The following H2BC18 variants were observed in gnomAD, a reference collection of about 807,000 sequenced individuals.
H2BC18 encodes histone H2B type 2-F.
In H2BC18, 8 loss-of-function variants were observed where a neutral mutation model predicts 6.3. That is an observed-to-expected ratio of 1.28 (90% CI 0.75 to 2.31). The LOEUF is 2.31. Among genes scored for constraint, H2BC18 ranks in the 30% most tolerant of loss-of-function variants. The probability of loss-of-function intolerance (pLI) is 0.00; values close to 1 mark genes in which losing one functional copy is unlikely to be tolerated. For synonymous variants in H2BC18, 104 were observed against 78.1 expected, an observed-to-expected ratio of 1.33 and a Z score of -1.75; for missense variants, 106 against 174.5, an observed-to-expected ratio of 0.61 and a Z score of 2.21.
At chr1:149,804,418 T>C (rs2091899886) in intron 1 of H2BC18, among the ~76,000 whole-genome samples, 1 of 152,246 alleles carries the variant, frequency 6.6e-6, no homozygotes. Context: ...ACAAAGGTCC[T>C]ACAAGTAAAT....
At chr1:149,784,607 A>G (rs1313127286) in intron 1 of H2BC18, among the ~76,000 whole-genome samples, 5 of 151,426 alleles carry the variant, frequency 3.3e-5, no homozygotes, top group Non-Finnish European at 7.4e-5. Context: ...CCCAAAACCT[A>G]GATCTGCAGT....
intron 1 of H2BC18, chr1:149,791,377 T>C: frequency 6.3e-7 from 1 of 1,583,142 alleles, no homozygotes; most frequent in Middle Eastern, 2.3e-4. Context: ...AGAAATCTCT[T>C]TGGATTCTGG....
At chr1:149,808,821 A>G (rs2091947134), downstream of H2BC18, among the ~76,000 whole-genome samples, 1 of 152,006 alleles carries the variant, frequency 6.6e-6, no homozygotes, top group East Asian at 1.9e-4. Context: ...AATTCTCCAA[A>G]ACAAGCTTGT....
intron 1 of H2BC18, chr1:149,786,293 CT>C (rs2091548386): frequency 6.6e-6 from 1 of 152,026 alleles, no homozygotes; most frequent in Non-Finnish European, 1.5e-5. Context: ...CTGTCTTTTT[CT>C]TACTGACTTA....
chr1:149,811,589 A>T (rs1312324049), downstream of H2BC18: 14 of 284,288 alleles, frequency 4.9e-5, no homozygotes, highest in African/African-American at 2.9e-4. Flanking sequence ...AAGGAAAACG[A>T]CTTTAAAGAT....
downstream of H2BC18, chr1:149,811,750 C>T (rs1571425539): frequency 1.5e-6 from 1 of 675,720 alleles, no homozygotes; most frequent in Non-Finnish European, 2.5e-6. Context: ...TGAGGGCCAA[C>T]TCATTACAGG....
At chr1:149,794,939 TGTAAATG>T (rs1401954322) in intron 1 of H2BC18, among the ~76,000 whole-genome samples, 1 of 8,470 alleles carries the variant, frequency 1.2e-4, no homozygotes, top group Non-Finnish European at 2.6e-4. Flanking sequence ...TTTGTGTTAT[TGTAAATG>T]GTATTGTCAG....
intron 1 of H2BC18, among the ~76,000 whole-genome samples, chr1:149,785,416 T>C (rs1439275609): frequency 7.5e-6 from 1 of 132,750 alleles, no homozygotes; most frequent in African/African-American, 2.8e-5. Flanking sequence ...TCGTTTTTTT[T>C]TTTTTTTTTT....
At chr1:149,804,868 C>T (rs1245108746) in intron 1 of H2BC18, among the ~76,000 whole-genome samples, 2 of 151,546 alleles carry the variant, frequency 1.3e-5, no homozygotes, top group Non-Finnish European at 3.0e-5. Flanking sequence ...ATCGCCACTA[C>T]AGGCTAGTGC....
At chr1:149,806,088 C>T (rs1286134708) in intron 1 of H2BC18, among the ~76,000 whole-genome samples, 4 of 152,046 alleles carry the variant, frequency 2.6e-5, no homozygotes, top group Admixed American at 2.0e-4. Flanking sequence ...ATAATACATG[C>T]AACTTCCATT....
downstream of H2BC18, among the ~76,000 whole-genome samples, chr1:149,809,717 G>A (rs1401186664): frequency 6.8e-5 from 10 of 146,246 alleles, no homozygotes; most frequent in African/African-American, 2.2e-4. Flanking sequence ...ACAATTATTC[G>A]TTATGCAAGG....
At chr1:149,796,950 T>C (rs112869437) in intron 1 of H2BC18, among the ~76,000 whole-genome samples, 5,658 of 152,312 alleles carry the variant, frequency 0.037, 147 homozygotes, top group East Asian at 0.067. Flanking sequence ...TTTCGTTGTG[T>C]CACCCAGGCT....
downstream of H2BC18, among the ~76,000 whole-genome samples, chr1:149,809,986 GA>G: frequency 6.6e-6 from 1 of 150,846 alleles, no homozygotes; most frequent in East Asian, 1.9e-4. Flanking sequence ...GTTTTGGCTA[GA>G]TAATAGGTGG....
At chr1:149,809,258 C>T (rs1210624096), downstream of H2BC18, among the ~76,000 whole-genome samples, 5 of 108,530 alleles carry the variant, frequency 4.6e-5, no homozygotes, top group Admixed American at 2.1e-4. Context: ...TGCAGCACCT[C>T]AAACCAGGGT....
intron 1 of H2BC18, chr1:149,793,128 C>A: frequency 7.8e-7 from 1 of 1,274,452 alleles, no homozygotes. Flanking sequence ...CAGGTGCGCC[C>A]GGCCGAGCCT....
intron 1 of H2BC18, chr1:149,793,071 C>T: frequency 1.6e-6 from 2 of 1,274,034 alleles, no homozygotes. Flanking sequence ...TGGCGGCCGT[C>T]TGTGGAGGTT....
chr1:149,807,514 G>T (rs1245869877), downstream of H2BC18, among the ~76,000 whole-genome samples: 1 of 59,892 alleles, frequency 1.7e-5, no homozygotes, highest in African/African-American at 6.9e-5. Flanking sequence ...GGCATGGCGG[G>T]GGGGGGGGGG....
rs2091701725 is a variant in H2BC18, at chr1:149,791,186, C to T, written c.378-7926G>A. ...CCCTTCCAAACATAACTCAGCTAGACCCCTCTGGTCTCTAAATAGTATCTC... is the reference window on the plus strand; with the variant it reads ...CCCTTCCAAACATAACTCAGCTAGATCCCTCTGGTCTCTAAATAGTATCTC... On this transcript the variant is annotated intron_variant, in intron 1 of 1. Coordinates refer to the H2BC18 transcript ENST00000545683. 3.1e-6 allele frequency: 5 copies of T among 1,605,492 alleles called. No individual in the cohort carries two copies. The South Asian group carries it at 5.6e-5, about 18-fold the overall frequency.
At chr1:149,801,523 TAAGC>T (rs1309771703) in intron 1 of H2BC18, among the ~76,000 whole-genome samples, 1 of 59,572 alleles carries the variant, frequency 1.7e-5, no homozygotes, top group African/African-American at 6.2e-5. Context: ...ATGAAGTAAG[TAAGC>T]ATTACTATAG....
Sources: gnomAD v4.1 joint callset for allele counts (sites outside exome capture counted in the v4.1 genomes callset) on GRCh38, gnomAD v4.1.1 for gene constraint, MANE v1.5 for transcripts, NCBI Gene and HGNC (gene_info 2026-07-23, HGNC 2026-07-21) for gene names.